Variants in ANKFN1 observed in about 807,000 individuals in gnomAD.
The protein encoded by ANKFN1 is ankyrin repeat and fibronectin type-III domain-containing protein 1.
In ANKFN1, 74 loss-of-function variants were observed where a neutral mutation model predicts 108.7. The ratio of observed to expected loss-of-function variants is 0.68; its 90% CI spans 0.56 to 0.83. The LOEUF (loss-of-function observed/expected upper bound fraction) is 0.83. Among genes scored for constraint, ANKFN1 ranks in the 40% least tolerant of loss-of-function variants. The probability of loss-of-function intolerance (pLI) is 0.00; values close to 1 mark genes in which losing one functional copy is unlikely to be tolerated. For missense variants in ANKFN1, 1,505 were observed against 1,382.3 expected (o/e 1.09, Z -1.41); for synonymous variants, 547 against 516.2 (o/e 1.06, Z -0.81).
intron 8 of ANKFN1, among the ~76,000 whole-genome samples, chr17:56,438,739 A>C (rs553362378): frequency 2.8e-4 from 42 of 152,246 alleles, no homozygotes; most frequent in African/African-American, 9.9e-4. Context: ...GCACTCAAGT[A>C]GAGATTAACA....
chr17:56,095,679 G>A (rs1383256324), intron 4 of ANKFN1, among the ~76,000 whole-genome samples: 1 of 152,192 alleles, frequency 6.6e-6, no homozygotes, highest in Admixed American at 6.5e-5. Flanking sequence ...TATGTCTGGG[G>A]GAAGTGCTTA....
At chr17:56,230,506 G>A (rs994752165) in intron 3 of ANKFN1, among the ~76,000 whole-genome samples, 1 of 151,968 alleles carries the variant, frequency 6.6e-6, no homozygotes, top group Non-Finnish European at 1.5e-5. Flanking sequence ...TGTTTTAGTG[G>A]GAGTCCTTGG....
At chr17:56,437,505 T>C (rs2048966796) in intron 8 of ANKFN1, among the ~76,000 whole-genome samples, 1 of 152,200 alleles carries the variant, frequency 6.6e-6, no homozygotes, top group South Asian at 2.1e-4. Context: ...CAACCAAAGA[T>C]ATTTTTGTTT....
intron 15 of ANKFN1, among the ~76,000 whole-genome samples, chr17:56,467,791 G>GAAAGAAAGAAAGAAAGAAGA (rs11414270): frequency 5.4e-5 from 3 of 55,052 alleles, no homozygotes; most frequent in South Asian, 7.2e-4. Context: ...AAGAAAGAAA[G>GAAAGAAAGAAAGAAAGAAGA]AAGAAAGAAA....
At chr17:56,109,345 G>A (rs1905825160) in intron 4 of ANKFN1, among the ~76,000 whole-genome samples, 1 of 152,096 alleles carries the variant, frequency 6.6e-6, no homozygotes, top group Admixed American at 6.5e-5. Context: ...CTCCACCTCA[G>A]CACTATTAAC....
intron 4 of ANKFN1, among the ~76,000 whole-genome samples, chr17:56,349,460 G>T (rs1486267226): frequency 1.3e-5 from 2 of 151,844 alleles, no homozygotes; most frequent in Non-Finnish European, 2.9e-5. Context: ...TAAAGTCAAG[G>T]CGAATCAAAG....
chr17:56,053,339 C>T (rs1359256103), intron 4 of ANKFN1, among the ~76,000 whole-genome samples: 4 of 152,240 alleles, frequency 2.6e-5, no homozygotes, highest in African/African-American at 9.6e-5. Context: ...CTTCCACTGT[C>T]TATCTCCATG....
At chr17:56,225,045 A>C (rs1006402900) in intron 2 of ANKFN1, 1 of 152,162 alleles carries the variant, frequency 6.6e-6, no homozygotes, top group African/African-American at 2.4e-5. Flanking sequence ...GTCTTCTAGG[A>C]TCCACATAAG....
intron 11 of ANKFN1, among the ~76,000 whole-genome samples, chr17:56,452,269 G>C (rs998148439): frequency 3.9e-5 from 6 of 152,170 alleles, no homozygotes; most frequent in African/African-American, 1.4e-4. Context: ...CTCCTTACAA[G>C]TTAGGGAACT....
intron 18 of ANKFN1, among the ~76,000 whole-genome samples, chr17:56,483,665 T>C (rs1472858936): frequency 3.3e-5 from 5 of 152,192 alleles, no homozygotes; most frequent in African/African-American, 1.2e-4. Flanking sequence ...GCTTAACCTT[T>C]CTACACCTTT....
intron 8 of ANKFN1, among the ~76,000 whole-genome samples, chr17:56,428,138 G>A (rs1442987244): frequency 6.6e-6 from 1 of 151,890 alleles, no homozygotes; most frequent in Non-Finnish European, 1.5e-5. Flanking sequence ...GGAGGCTGAG[G>A]CATGAGAATT....
intron 4 of ANKFN1, among the ~76,000 whole-genome samples, chr17:56,100,541 A>G (rs1905625433): frequency 1.3e-5 from 2 of 152,216 alleles, no homozygotes; most frequent in African/African-American, 4.8e-5. Context: ...TTTATGACGT[A>G]TTAATTAAGT....
chr17:56,278,945 T>C (rs1042122813), intron 3 of ANKFN1, among the ~76,000 whole-genome samples: 3 of 152,240 alleles, frequency 2.0e-5, no homozygotes, highest in African/African-American at 7.2e-5. Flanking sequence ...TGGATTTTTT[T>C]TTTAAGCTTC....
chr17:56,087,640 A>C (rs1334009552), intron 4 of ANKFN1, among the ~76,000 whole-genome samples: 1 of 151,372 alleles, frequency 6.6e-6, no homozygotes, highest in African/African-American at 2.4e-5. Context: ...CACCCCTCCC[A>C]GTCCTTGAGG....
intron 1 of ANKFN1, among the ~76,000 whole-genome samples, chr17:56,181,931 C>T (rs888437865): frequency 2.6e-5 from 4 of 152,072 alleles, no homozygotes; most frequent in South Asian, 4.1e-4. Flanking sequence ...AATATTTCAA[C>T]CTTTTTTGCT....
intron 19 of ANKFN1, among the ~76,000 whole-genome samples, chr17:56,494,967 AG>A (rs1321481123): frequency 6.6e-6 from 1 of 152,050 alleles, no homozygotes; most frequent in Admixed American, 6.6e-5. Context: ...CATGTAGCCT[AG>A]GGCTCCACTG....
At chr17:56,112,870 G>A (rs1163972061) in intron 4 of ANKFN1, among the ~76,000 whole-genome samples, 1 of 152,116 alleles carries the variant, frequency 6.6e-6, no homozygotes, top group African/African-American at 2.4e-5. Context: ...TAACAAATAT[G>A]TATCAGATAT....
intron 17 of ANKFN1, among the ~76,000 whole-genome samples, chr17:56,481,816 T>TG (rs2050715174): frequency 2.6e-5 from 4 of 152,206 alleles, no homozygotes; most frequent in Non-Finnish European, 5.9e-5. Flanking sequence ...AGAGCTCCAC[T>TG]TGTGACACTA....
chr17:56,492,440 G>T (rs543871586), intron 19 of ANKFN1, 87 bp downstream of exon 19: 1 of 644,898 alleles, frequency 1.6e-6, no homozygotes, highest in South Asian at 1.7e-5. Flanking sequence ...AAGGACAGCA[G>T]TCCAGGCTGA....
Sources: allele counts gnomAD v4.1 joint callset (sites outside exome capture counted in the v4.1 genomes callset), GRCh38; gene constraint gnomAD v4.1.1; transcripts MANE v1.5; gene names NCBI Gene and HGNC (gene_info 2026-07-23, HGNC 2026-07-21).